The following FSHR variants were observed in gnomAD, a reference collection of about 807,000 sequenced individuals.
FSHR encodes follicle-stimulating hormone receptor.
In FSHR, 46 loss-of-function variants were observed where a neutral mutation model predicts 52.1. The observed-to-expected ratio is 0.88, with a 90% confidence interval of 0.70 to 1.13. The LOEUF (loss-of-function observed/expected upper bound fraction) is 1.13, where lower values mean the gene tolerates loss of function less well. FSHR is among the 50% of genes most tolerant of loss of function. The probability of loss-of-function intolerance (pLI) is 0.00; values close to 1 mark genes in which losing one functional copy is unlikely to be tolerated. For missense variants in FSHR, 964 were observed against 834.6 expected, an observed-to-expected ratio of 1.16 and a Z score of -1.91; for synonymous variants, 399 against 309.6, an observed-to-expected ratio of 1.29 and a Z score of -3.03.
At chr2:49,105,528 G>A (rs983171785) in intron 1 of FSHR, among the ~76,000 whole-genome samples, 5 of 152,100 alleles carry the variant, frequency 3.3e-5, no homozygotes, top group Admixed American at 6.6e-5. Flanking sequence ...GTGAGGCTGG[G>A]CAAAAATAAA....
intron 4 of FSHR, 85 bp downstream of exon 4, chr2:49,017,404 C>T: frequency 2.0e-6 from 2 of 1,014,012 alleles, no homozygotes; most frequent in East Asian, 2.5e-5. Context: ...AGTAATTGCT[C>T]CCCAGAGTAT....
intron 1 of FSHR, among the ~76,000 whole-genome samples, chr2:49,117,714 T>A (rs2055572): frequency 6.6e-6 from 1 of 152,018 alleles, no homozygotes; most frequent in African/African-American, 2.4e-5. Context: ...TTTTAACCTC[T>A]TCACTCCTGC....
chr2:49,100,058 C>T (rs147003591), intron 1 of FSHR, among the ~76,000 whole-genome samples: 1 of 152,244 alleles, frequency 6.6e-6, no homozygotes, highest in Non-Finnish European at 1.5e-5. Context: ...AGAGCTTACT[C>T]CATTGCAGGC....
chr2:49,033,188 C>T (rs1307956940), intron 2 of FSHR, among the ~76,000 whole-genome samples: 1 of 152,146 alleles, frequency 6.6e-6, no homozygotes, highest in African/African-American at 2.4e-5. Context: ...AGGTCAGTGA[C>T]TGAGTAAGCC....
intron 2 of FSHR, among the ~76,000 whole-genome samples, chr2:49,062,279 A>G (rs1291181015): frequency 6.6e-6 from 1 of 152,130 alleles, no homozygotes; most frequent in Non-Finnish European, 1.5e-5. Context: ...TAGTGAAGTG[A>G]TTTTCAACAA....
At chr2:49,083,492 C>T (rs1360702698) in intron 1 of FSHR, among the ~76,000 whole-genome samples, 2 of 145,592 alleles carry the variant, frequency 1.4e-5, no homozygotes, top group Non-Finnish European at 3.0e-5. Context: ...TCACACATAA[C>T]AATATTAACT....
chr2:49,054,723 C>T (rs1185804168), intron 2 of FSHR, among the ~76,000 whole-genome samples: 1 of 152,166 alleles, frequency 6.6e-6, no homozygotes, highest in Non-Finnish European at 1.5e-5. Context: ...CACAGCACAA[C>T]AACTGCAGAC....
chr2:49,028,727 G>A (rs534179714), intron 2 of FSHR, among the ~76,000 whole-genome samples: 1 of 152,148 alleles, frequency 6.6e-6, no homozygotes, highest in African/African-American at 2.4e-5. Flanking sequence ...ACCCACCATT[G>A]TGCTTCTCCA....
chr2:48,971,964 C>T (rs1266641780), intron 8 of FSHR, among the ~76,000 whole-genome samples: 4 of 152,152 alleles, frequency 2.6e-5, no homozygotes, highest in African/African-American at 9.7e-5. Context: ...TGCAGATAAG[C>T]TTATCCAGTC....
chr2:49,003,871 G>A (rs1466047110), intron 4 of FSHR, among the ~76,000 whole-genome samples: 2 of 149,230 alleles, frequency 1.3e-5, no homozygotes, highest in Non-Finnish European at 3.0e-5. Flanking sequence ...CCACTGCCCT[G>A]CCCTGCCTCC....
chr2:49,146,226 C>T (rs1019119108), intron 1 of FSHR, among the ~76,000 whole-genome samples: 8 of 152,054 alleles, frequency 5.3e-5, no homozygotes, highest in Admixed American at 3.3e-4. Context: ...GCAATGCCAT[C>T]TTCTAGGGAT....
At chr2:49,069,879 A>G (rs780294809) in intron 1 of FSHR, among the ~76,000 whole-genome samples, 3 of 152,186 alleles carry the variant, frequency 2.0e-5, no homozygotes, top group Non-Finnish European at 4.4e-5. Context: ...ATCAAACACC[A>G]TGGACTTGGA....
intron 1 of FSHR, among the ~76,000 whole-genome samples, chr2:49,072,664 T>C (rs1669780223): frequency 6.6e-6 from 1 of 152,092 alleles, no homozygotes; most frequent in African/African-American, 2.4e-5. Context: ...TCATATTAGA[T>C]AAAGTTTAAT....
intron 1 of FSHR, among the ~76,000 whole-genome samples, chr2:49,090,086 C>A (rs753027816): frequency 3.3e-5 from 5 of 151,788 alleles, no homozygotes; most frequent in African/African-American, 4.8e-5. Flanking sequence ...TGAAACAAAG[C>A]AAGTTTTTTC....
chr2:49,131,470 A>G (rs528154594), intron 1 of FSHR, among the ~76,000 whole-genome samples: 1 of 152,296 alleles, frequency 6.6e-6, no homozygotes, highest in South Asian at 2.1e-4. Context: ...GCTGAAATAC[A>G]TTATTTCTCA....
At chr2:49,078,388 C>T (rs897142089) in intron 1 of FSHR, among the ~76,000 whole-genome samples, 3 of 152,108 alleles carry the variant, frequency 2.0e-5, no homozygotes, top group Non-Finnish European at 4.4e-5. Context: ...GCCATACTAG[C>T]CAAACCATAT....
chr2:48,993,127 T>C (rs1488788752), intron 4 of FSHR, among the ~76,000 whole-genome samples: 3 of 152,140 alleles, frequency 2.0e-5, no homozygotes, highest in Non-Finnish European at 4.4e-5. Flanking sequence ...TTTGCTTCTC[T>C]TTTCTATAGT....
At chr2:48,989,497 G>C (rs1359470590) in intron 5 of FSHR, among the ~76,000 whole-genome samples, 2 of 152,206 alleles carry the variant, frequency 1.3e-5, no homozygotes, top group African/African-American at 4.8e-5. Flanking sequence ...TGCCCAGGCT[G>C]GTGTCAAACC....
chr2:49,140,339 C>T (rs1672636465), intron 1 of FSHR, among the ~76,000 whole-genome samples: 1 of 151,834 alleles, frequency 6.6e-6, no homozygotes, highest in African/African-American at 2.4e-5. Flanking sequence ...CTCTCTTGCT[C>T]CTGCTTTTGC....
Sources: allele counts gnomAD v4.1 joint callset (sites outside exome capture counted in the v4.1 genomes callset), GRCh38; gene constraint gnomAD v4.1.1; transcripts MANE v1.5; gene names NCBI Gene and HGNC (gene_info 2026-07-23, HGNC 2026-07-21).